DNAJC24: variants seen among roughly 807,000 people sequenced by gnomAD.
DNAJC24 encodes the protein dnaJ homolog subfamily C member 24.
DNAJC24 carries 17 observed loss-of-function variants against 18.0 expected under a neutral mutation model. That is an observed-to-expected ratio of 0.94 (90% CI 0.65 to 1.42). The LOEUF (loss-of-function observed/expected upper bound fraction) is 1.42. Among genes scored for constraint, DNAJC24 ranks in the 40% most tolerant of loss-of-function variants. The pLI, the probability that DNAJC24 is intolerant of heterozygous loss-of-function variation, is 0.00. For missense variants in DNAJC24, 158 were observed against 175.6 expected (o/e 0.90, Z 0.57); for synonymous variants, 55 against 57.7 (o/e 0.95, Z 0.21).
chr11:31,382,586 G>A (rs1952386728), intron 2 of DNAJC24, among the ~76,000 whole-genome samples: 1 of 152,118 alleles, frequency 6.6e-6, no homozygotes, highest in Non-Finnish European at 1.5e-5. Context: ...GTTTATTATT[G>A]TATATGTAAT....
At chr11:31,379,058 T>C (rs1358347084) in intron 2 of DNAJC24, among the ~76,000 whole-genome samples, 4 of 152,208 alleles carry the variant, frequency 2.6e-5, no homozygotes, top group African/African-American at 9.7e-5. Flanking sequence ...TGTTACTCTC[T>C]AAAGCCAGCT....
chr11:31,420,318 T>A lies in DNAJC24; in HGVS notation c.250+5369T>A, dbSNP rs568880066. ...TCCTTCCATCTCCCCTACTCCCAACTTCCCACCACCCACCAGAGCCTTCTG... is the reference window on the plus strand; with the variant it reads ...TCCTTCCATCTCCCCTACTCCCAACATCCCACCACCCACCAGAGCCTTCTG... On this transcript the variant is annotated intron_variant, in intron 3 of 4. Transcript: ENST00000465995. Among the ~76,000 whole-genome samples the A allele has an allele frequency of 7.2e-5, 11 of 152,134 alleles. No homozygotes were observed. In the South Asian group the frequency reaches 1.9e-3, roughly 26 times the overall value.
chr11:31,399,698 C>T (rs1452539354), intron 2 of DNAJC24, among the ~76,000 whole-genome samples: 1 of 150,726 alleles, frequency 6.6e-6, no homozygotes, highest in African/African-American at 2.4e-5. Context: ...AGGCGTGAGC[C>T]ACCATGCCCA....
At position 31,430,477 on chromosome 11, in the gene DNAJC24, GGAAATGGA is replaced by G. The variant is rs1952910722; in HGVS notation, c.*77_*84del. 1.4e-5 allele frequency: 18 copies of G among 1,317,052 alleles called. No homozygotes were observed. The highest frequency in any genetic ancestry group is 1.8e-5 in the Non-Finnish European group (18 of 985,358). 81.6% of individuals were successfully genotyped at this position (1,317,052 alleles called of 1,614,324 possible). On this transcript the variant is annotated 3_prime_UTR_variant, in exon 5 of 5. Transcript: ENST00000465995. ...AAGCCGTTGAGCTTTGTCCATTCAA[GGAAATGGA>G]TTATTTGTCAGCCCGATTATTTGCA...
intron 4 of DNAJC24, 23 bp from the exon 5 acceptor site, chr11:31,430,248 G>T (rs767133987): frequency 1.3e-6 from 2 of 1,595,696 alleles, no homozygotes; most frequent in South Asian, 2.3e-5. Context: ...GTCTTTGAAA[G>T]ATTATTTTGT....
At position 31,431,389 on chromosome 11, in the gene DNAJC24, G is replaced by C. The variant is rs1310048967; in HGVS notation, c.*988G>C. 4 of 151,486 alleles carry C rather than the reference G, an allele frequency of 2.6e-5. No individual in the cohort carries two copies. Among genetic ancestry groups the C allele is most frequent in the African/African-American group, 4.8e-5 (2 of 41,272 alleles). The allele number at this position is 151,486 out of a possible 1,614,324, so 9.4% of individuals were successfully genotyped here. Reference sequence around the variant, plus strand: ...TGGTCTTGAACTCCTGGCCTCAAATGATCCGCCCACCTCAACCTCCCAAAG... The same window carrying C: ...TGGTCTTGAACTCCTGGCCTCAAATCATCCGCCCACCTCAACCTCCCAAAG... On this transcript the variant is annotated 3_prime_UTR_variant, in exon 5 of 5. Coordinates refer to ENST00000465995, the MANE Select transcript of DNAJC24 (RefSeq NM_181706.5).
chr11:31,430,563 ATATAAT>A lies in DNAJC24; in HGVS notation c.*166_*171del, dbSNP rs1351583385. 3 of 362,400 alleles carry A rather than the reference ATATAAT, an allele frequency of 8.3e-6. No individual in the cohort carries two copies. The highest frequency in any genetic ancestry group is 1.4e-5 in the Non-Finnish European group (3 of 212,302). 22.4% of individuals were successfully genotyped at this position (362,400 alleles called of 1,614,324 possible). On this transcript the variant is annotated 3_prime_UTR_variant, in exon 5 of 5. Coordinates refer to ENST00000465995, the MANE Select transcript of DNAJC24 (RefSeq NM_181706.5). ...ACCACCTCAGATTAATAGAGAATGA[ATATAAT>A]TATTTATTTGTATTTATAATTTATA...
In DNAJC24 at chr11:31,375,456, A is replaced by T. The variant is rs1381785572; in HGVS notation, c.111+4597A>T. ...AGGTGGACTGTAATAAAAGGTTGAA[A>T]TTTTTTCTTCTGCTTTTCTTTTAGA... is the stretch of plus-strand genomic sequence containing the variant. On this transcript the variant is annotated intron_variant, in intron 2 of 4. Transcript: ENST00000465995. 1.5e-5 allele frequency among the ~76,000 whole-genome samples: 2 copies of T among 134,882 alleles called. 1 individual carries two copies. Among genetic ancestry groups the T allele is most frequent in the African/African-American group, 5.0e-5 (2 of 40,224 alleles). 88.5% of individuals were successfully genotyped at this position (134,882 alleles called of 152,430 possible). A position where few individuals can be genotyped will look rare whatever the true frequency, so the allele number is the denominator to read the frequency against.
intron 2 of DNAJC24, among the ~76,000 whole-genome samples, chr11:31,412,402 G>A (rs755617409): frequency 6.6e-6 from 1 of 152,048 alleles, no homozygotes; most frequent in Non-Finnish European, 1.5e-5. Context: ...CCCTGTAAAC[G>A]TATCATAAAT....
chr11:31,419,301 G>T (rs1047877951), intron 3 of DNAJC24, among the ~76,000 whole-genome samples: 2 of 151,976 alleles, frequency 1.3e-5, no homozygotes, highest in African/African-American at 4.8e-5. Flanking sequence ...TCTGAGAAAA[G>T]TAAGTATGTG....
intron 2 of DNAJC24, among the ~76,000 whole-genome samples, chr11:31,390,594 T>C (rs1321339313): frequency 1.3e-5 from 2 of 149,580 alleles, no homozygotes; most frequent in East Asian, 2.0e-4. Context: ...TAGTCCCAGC[T>C]ACATGGGAGG....
chr11:31,396,876 T>C (rs1413024673), intron 2 of DNAJC24, among the ~76,000 whole-genome samples: 1 of 152,184 alleles, frequency 6.6e-6, no homozygotes, highest in East Asian at 1.9e-4. Flanking sequence ...TCATTCTTGG[T>C]CTGACTTACA....
intron 3 of DNAJC24, among the ~76,000 whole-genome samples, chr11:31,420,633 T>C (rs1313007511): frequency 2.0e-5 from 3 of 152,164 alleles, no homozygotes; most frequent in Admixed American, 2.0e-4. Context: ...AGAACTGTGG[T>C]AGTTCTTTTA....
chr11:31,426,116 G>A (rs1952858963), intron 3 of DNAJC24, among the ~76,000 whole-genome samples, 171 bp from the exon 4 acceptor site: 1 of 152,162 alleles, frequency 6.6e-6, no homozygotes, highest in South Asian at 2.1e-4. Context: ...TTTTCAGTCA[G>A]CTAAAGTCAG....
In DNAJC24 at chr11:31,406,907, G is replaced by A. The variant is rs549276904; in HGVS notation, c.112-7904G>A. 4.6e-5 allele frequency among the ~76,000 whole-genome samples: 7 copies of A among 152,172 alleles called. No individual in the cohort carries two copies. The South Asian group carries it at 1.4e-3, about 32-fold the overall frequency. ...TTTTCCCCTCTCATCCATTCATTTAGCATTTATTGAGCGTGGAGTTATTTT... is the reference window on the plus strand; with the variant it reads ...TTTTCCCCTCTCATCCATTCATTTAACATTTATTGAGCGTGGAGTTATTTT... On this transcript the variant is annotated intron_variant, in intron 2 of 4. Transcript: ENST00000465995.
In DNAJC24 at chr11:31,430,556, A is replaced by G. The variant is rs1952912055; in HGVS notation, c.*155A>G. ...AGCAGAGACCACCTCAGATTAATAG[A>G]GAATGAATATAATTATTTATTTGTA... On this transcript the variant is annotated 3_prime_UTR_variant, in exon 5 of 5. Transcript: ENST00000465995. 4 of 384,882 alleles carry G rather than the reference A, an allele frequency of 1.0e-5. No individual in the cohort carries two copies. The highest frequency in any genetic ancestry group is 1.8e-5 in the Non-Finnish European group (4 of 226,096). The allele number at this position is 384,882 out of a possible 1,614,324, so 23.8% of individuals were successfully genotyped here.
At chr11:31,384,008 TTCTTTG>T (rs1468678063) in intron 2 of DNAJC24, among the ~76,000 whole-genome samples, 2 of 152,214 alleles carry the variant, frequency 1.3e-5, no homozygotes, top group African/African-American at 4.8e-5. Context: ...ACACCTTCAG[TTCTTTG>T]TCTTTGATTG....
At chr11:31,396,328 T>C (rs1279960422) in intron 2 of DNAJC24, 2 of 453,620 alleles carry the variant, frequency 4.4e-6, no homozygotes, top group Non-Finnish European at 8.9e-6. Flanking sequence ...CTTCTGAGTT[T>C]TATTTGACCC....
chr11:31,394,206 CAA>C (rs898671453), intron 2 of DNAJC24, among the ~76,000 whole-genome samples: 16 of 152,034 alleles, frequency 1.1e-4, no homozygotes, highest in Admixed American at 3.9e-4. Flanking sequence ...AAATTGCCAA[CAA>C]AAAGTACAAA....
Sources: allele counts gnomAD v4.1 joint callset (sites outside exome capture counted in the v4.1 genomes callset), GRCh38; gene constraint gnomAD v4.1.1; transcripts MANE v1.5; gene names NCBI Gene and HGNC (gene_info 2026-07-23, HGNC 2026-07-21).